The following TBC1D8B variants were observed in gnomAD, a reference collection of about 807,000 sequenced individuals.
TBC1D8B encodes TBC1 domain family member 8B.
A neutral mutation model predicts 82.9 loss-of-function variants in TBC1D8B; 75 were observed. The observed-to-expected ratio is 0.90, with a 90% CI of 0.75 to 1.10. TBC1D8B has a LOEUF of 1.10. Ranked by LOEUF, TBC1D8B falls within the 50% of genes least tolerant of loss-of-function variation. The pLI, the probability that TBC1D8B is intolerant of heterozygous loss-of-function variation, is 0.00. For missense variants in TBC1D8B, 794 were observed against 796.9 expected (o/e 1.00, Z 0.04); for synonymous variants, 276 against 276.8 (o/e 1.00, Z 0.03).
At chrX:106,839,210 A>G in intron 7 of TBC1D8B, 98 bp from the exon 8 acceptor site, 1 of 897,736 alleles carries the variant, frequency 1.1e-6, no homozygotes, top group Non-Finnish European at 1.5e-6. Flanking sequence ...TGTTATGTAT[A>G]CAGATTGTGG....
chrX:106,848,015 ACTT>A (rs1186863788), intron 10 of TBC1D8B, among the ~76,000 whole-genome samples, 168 bp from the exon 11 acceptor site: 4 of 111,831 alleles, frequency 3.6e-5, no homozygotes, highest in Non-Finnish European at 7.5e-5. Context: ...TGTTAGCCTG[ACTT>A]CACCTTGTTT....
intron 7 of TBC1D8B, among the ~76,000 whole-genome samples, chrX:106,836,211 G>A (rs1360034433): frequency 1.8e-5 from 2 of 111,997 alleles, no homozygotes; most frequent in Non-Finnish European, 3.8e-5. Flanking sequence ...TGGAAGGAGA[G>A]AGAATGAGTA....
chrX:106,809,478 A>C (rs1931294128), intron 1 of TBC1D8B, among the ~76,000 whole-genome samples: 1 of 110,713 alleles, frequency 9.0e-6, no homozygotes, highest in Admixed American at 9.6e-5. Flanking sequence ...ATTTGGGAAC[A>C]GAGTGAATAC....
intron 7 of TBC1D8B, among the ~76,000 whole-genome samples, chrX:106,832,997 A>C (rs1932081511): frequency 9.0e-6 from 1 of 111,092 alleles, no homozygotes; most frequent in Non-Finnish European, 1.9e-5. Flanking sequence ...CACCCTTTAA[A>C]TTGTGGACTA....
intron 14 of TBC1D8B, among the ~76,000 whole-genome samples, chrX:106,862,407 T>A (rs1432307722): frequency 8.9e-6 from 1 of 111,944 alleles, no homozygotes; most frequent in Non-Finnish European, 1.9e-5. Flanking sequence ...TGTGATAGTA[T>A]TATGAAATTC....
At chrX:106,846,894 A>T (rs750418328) in intron 10 of TBC1D8B, among the ~76,000 whole-genome samples, 13 of 112,521 alleles carry the variant, frequency 1.2e-4, no homozygotes, top group Non-Finnish European at 2.3e-4. Flanking sequence ...ATTAAAATTA[A>T]AACAATGAGC....
Position 106,823,593 on chromosome X carries a change from G to A in TBC1D8B, c.827+127G>A, listed in dbSNP as rs768814441. The A allele has an allele frequency of 4.7e-5, 33 of 703,290 alleles. No individual in the cohort carries two copies. The East Asian group carries it at 7.5e-4, about 16-fold the overall frequency. The allele number at this position is 703,290 out of a possible 1,213,427, so 58.0% of individuals were successfully genotyped here. Reference sequence around the variant, plus strand: ...AGGGTTTTTTTTGGAGTTGATTGTGGGTGTGTGTGTGTTTTGTGAGTTTAT... The same window carrying A: ...AGGGTTTTTTTTGGAGTTGATTGTGAGTGTGTGTGTGTTTTGTGAGTTTAT... On this transcript the variant is annotated intron_variant, in intron 5 of 20. Coordinates refer to ENST00000357242, the MANE Select transcript of TBC1D8B (RefSeq NM_017752.3).
chrX:106,865,646 A>T lies in TBC1D8B; in HGVS notation c.2421+19A>T. ...CTTTAAGGTACTGTTGTTCTTCTTTAAATGAAAAATAATGCTTTTTTTTAG... is the reference window on the plus strand; with the variant it reads ...CTTTAAGGTACTGTTGTTCTTCTTTTAATGAAAAATAATGCTTTTTTTTAG... On this transcript the variant is annotated intron_variant, in intron 15 of 20. Coordinates refer to ENST00000357242, the MANE Select transcript of TBC1D8B (RefSeq NM_017752.3). The T allele has an allele frequency of 8.6e-7, 1 of 1,159,823 alleles. No homozygotes were observed. The highest frequency in any genetic ancestry group is 1.2e-6 in the Non-Finnish European group (1 of 861,762).
At chrX:106,828,061 AAAAG>A (rs916309437) in intron 7 of TBC1D8B, 2 of 111,847 alleles carry the variant, frequency 1.8e-5, no homozygotes, top group African/African-American at 6.5e-5. Flanking sequence ...AATAAAGAAA[AAAAG>A]AGAGAAGAAT....
chrX:106,807,542 A>T (rs1931229156), intron 1 of TBC1D8B, among the ~76,000 whole-genome samples: 2 of 107,756 alleles, frequency 1.9e-5, no homozygotes, highest in Admixed American at 2.0e-4. Context: ...AGTAGATTTA[A>T]TTCTAATGAA....
At chrX:106,852,940 G>GT (rs1932621297) in intron 12 of TBC1D8B, among the ~76,000 whole-genome samples, 1 of 109,489 alleles carries the variant, frequency 9.1e-6, no homozygotes, top group Non-Finnish European at 1.9e-5. Context: ...CTTTAAAGTA[G>GT]TTTTTTCCAA....
intron 11 of TBC1D8B, chrX:106,849,171 T>C (rs930133598): frequency 5.9e-5 from 56 of 943,479 alleles, no homozygotes; most frequent in Non-Finnish European, 5.7e-5. Flanking sequence ...GCTTTCAGGA[T>C]TGTGGTTAGG....
At chrX:106,861,002 G>T (rs1196715952) in intron 14 of TBC1D8B, among the ~76,000 whole-genome samples, 1 of 111,743 alleles carries the variant, frequency 8.9e-6, no homozygotes, top group African/African-American at 3.2e-5. Context: ...TTCAGGAGCA[G>T]ATTGTTTAAT....
chrX:106,803,226 A>G (rs1931083466), intron 1 of TBC1D8B, among the ~76,000 whole-genome samples: 2 of 111,973 alleles, frequency 1.8e-5, no homozygotes, highest in Admixed American at 9.4e-5. Flanking sequence ...TTCTGAGGCC[A>G]AGGAAGAAAC....
At chrX:106,829,315 A>C (rs1193716340) in intron 7 of TBC1D8B, 8 of 105,551 alleles carry the variant, frequency 7.6e-5, no homozygotes, top group Middle Eastern at 4.7e-3. Flanking sequence ...AATAGAAGAA[A>C]ATTCCATGCT....
At chrX:106,849,840 T>C (rs1220675803) in intron 11 of TBC1D8B, 185 bp from the exon 12 acceptor site, 9 of 1,026,269 alleles carry the variant, frequency 8.8e-6, no homozygotes, top group Non-Finnish European at 1.1e-5. Flanking sequence ...TGAATTTGAA[T>C]TGTGTTTCTG....
chrX:106,860,814 G>A (rs1267850399), intron 14 of TBC1D8B, among the ~76,000 whole-genome samples: 1 of 111,442 alleles, frequency 9.0e-6, no homozygotes, highest in Non-Finnish European at 1.9e-5. Context: ...TAGGTGTGAT[G>A]TTAGGTTGTT....
rs986181332 is a variant in TBC1D8B, at chrX:106,847,913, A to G, written c.1720-273A>G. Among the ~76,000 whole-genome samples the G allele has an allele frequency of 3.6e-5, 4 of 111,679 alleles. No individual in the cohort carries two copies. In the East Asian group the frequency reaches 8.4e-4, roughly 23 times the overall value. On this transcript the variant is annotated intron_variant, in intron 10 of 20. Coordinates refer to ENST00000357242, the MANE Select transcript of TBC1D8B (RefSeq NM_017752.3). ...TAATTAAGGTTTTTCACTCTTCGAA[A>G]TTAGAGAGGTTTTGCTTATTATGTT...
At chrX:106,853,331 C>T (rs1248314245) in intron 12 of TBC1D8B, among the ~76,000 whole-genome samples, 190 bp from the exon 13 acceptor site, 7 of 111,212 alleles carry the variant, frequency 6.3e-5, no homozygotes, top group African/African-American at 9.8e-5. Flanking sequence ...TGGGCTGAGA[C>T]GATGGGGTTT....
Sources: gnomAD v4.1 joint callset for allele counts (sites outside exome capture counted in the v4.1 genomes callset) on GRCh38, gnomAD v4.1.1 for gene constraint, MANE v1.5 for transcripts, NCBI Gene and HGNC (gene_info 2026-07-23, HGNC 2026-07-21) for gene names.